The following MALRD1 variants were observed in gnomAD, a reference collection of about 807,000 sequenced individuals.
MALRD1 encodes the protein MAM and LDL receptor class A domain containing 1.
A neutral mutation model predicts 242.1 loss-of-function variants in MALRD1; 247 were observed. That is an observed-to-expected ratio of 1.02 (90% CI 0.92 to 1.13). The LOEUF (loss-of-function observed/expected upper bound fraction) is 1.13. Ranked by LOEUF, MALRD1 falls within the 50% of genes most tolerant of loss-of-function variation. MALRD1 has a pLI of 0.00. For missense variants in MALRD1, 2,989 were observed against 2,533.1 expected, an observed-to-expected ratio of 1.18 and a Z score of -3.86; for synonymous variants, 995 against 866.6, an observed-to-expected ratio of 1.15 and a Z score of -2.60.
chr10:19,476,970 T>G (rs962209053), intron 29 of MALRD1, among the ~76,000 whole-genome samples: 52 of 152,266 alleles, frequency 3.4e-4, no homozygotes, highest in Non-Finnish European at 5.9e-5. Context: ...AATGTTTTCA[T>G]TTTTTCCAGG....
intron 31 of MALRD1, among the ~76,000 whole-genome samples, chr10:19,530,453 A>ATAATAAATAT (rs1250553401): frequency 1.4e-4 from 8 of 55,464 alleles, no homozygotes; most frequent in Admixed American, 1.3e-3. Context: ...ATAATATATA[A>ATAATAAATAT]TATATAATAA....
intron 29 of MALRD1, among the ~76,000 whole-genome samples, chr10:19,454,740 A>ACG (rs1835551901): frequency 1.3e-5 from 2 of 151,310 alleles, no homozygotes; most frequent in Non-Finnish European, 2.9e-5. Context: ...ACACACACAC[A>ACG]CACACACACA....
In MALRD1 at chr10:19,087,807, T is replaced by TC. The variant is rs911914868; in HGVS notation, c.341-33_341-32insC. The TC allele has an allele frequency of 4.4e-6, 5 of 1,147,682 alleles. No individual in the cohort carries two copies. In the African/African-American group the frequency reaches 8.3e-5, roughly 19 times the overall value. 71.1% of individuals were successfully genotyped at this position (1,147,682 alleles called of 1,614,324 possible). ...GTAGGTCTTATTCATTCTTTCTGGT[T>TC]TTTTTTTGTACCCTGTCTCTTCTTT... On this transcript the variant is annotated intron_variant, in intron 2 of 39. Transcript: ENST00000454679.
intron 29 of MALRD1, among the ~76,000 whole-genome samples, chr10:19,475,332 G>A (rs1028438034): frequency 6.6e-6 from 1 of 152,136 alleles, no homozygotes; most frequent in African/African-American, 2.4e-5. Flanking sequence ...GGAGAATGGT[G>A]TGAACCCAGG....
intron 36 of MALRD1, among the ~76,000 whole-genome samples, chr10:19,655,017 G>C (rs1384158567): frequency 1.3e-5 from 2 of 152,104 alleles, no homozygotes; most frequent in Non-Finnish European, 2.9e-5. Context: ...AACTAAATAT[G>C]CATTTTAGAA....
chr10:19,232,425 G>A (rs1249204982), intron 18 of MALRD1, among the ~76,000 whole-genome samples: 3 of 151,050 alleles, frequency 2.0e-5, no homozygotes, highest in Non-Finnish European at 4.4e-5. Flanking sequence ...TCATCCGCCC[G>A]CCTCAGCCTC....
At chr10:19,101,413 T>C (rs962622362) in intron 4 of MALRD1, among the ~76,000 whole-genome samples, 12 of 141,592 alleles carry the variant, frequency 8.5e-5, no homozygotes, top group Admixed American at 2.2e-4. Context: ...TCATATATTA[T>C]ATATTATAAT....
chr10:19,204,120 G>A (rs1351116549), intron 15 of MALRD1, among the ~76,000 whole-genome samples, 188 bp from the exon 16 acceptor site: 3 of 152,154 alleles, frequency 2.0e-5, no homozygotes, highest in Non-Finnish European at 4.4e-5. Flanking sequence ...GTATCATTTA[G>A]CATGAGATGT....
At chr10:19,722,697 A>C (rs1834827925) in intron 38 of MALRD1, 1 of 149,892 alleles carries the variant, frequency 6.7e-6, no homozygotes, top group South Asian at 2.1e-4. Context: ...ATGTCCTTTC[A>C]TTTCACAAAT....
At chr10:19,725,953 G>T (rs1458672028) in intron 38 of MALRD1, among the ~76,000 whole-genome samples, 3 of 151,988 alleles carry the variant, frequency 2.0e-5, no homozygotes, top group African/African-American at 7.2e-5. Context: ...GCTCAAAATG[G>T]ATCAAGGAGC....
At chr10:19,432,878 A>G (rs1349137782) in intron 28 of MALRD1, among the ~76,000 whole-genome samples, 1 of 152,228 alleles carries the variant, frequency 6.6e-6, no homozygotes, top group Non-Finnish European at 1.5e-5. Flanking sequence ...TGAACATTTC[A>G]AAGAGGAAAC....
Position 19,586,712 on chromosome 10 carries a change from T to G in MALRD1, c.5681-8482T>G, listed in dbSNP as rs535814804. Among the ~76,000 whole-genome samples, 451 of 152,344 alleles carry G rather than the reference T, an allele frequency of 3.0e-3. 3 individuals carry two copies. The highest frequency in any genetic ancestry group is 0.01 in the African/African-American group (431 of 41,586). On this transcript the variant is annotated intron_variant, in intron 33 of 39. Coordinates refer to ENST00000454679, the MANE Select transcript of MALRD1 (RefSeq NM_001142308.3). ...GTGCCCTGCCCCCAGAGGTGGAGCCTACAGAGGCCCGCAGGCCTCCTTGAG... is the reference window on the plus strand; with the variant it reads ...GTGCCCTGCCCCCAGAGGTGGAGCCGACAGAGGCCCGCAGGCCTCCTTGAG...
chr10:19,228,798 G>C (rs777975449), intron 18 of MALRD1, among the ~76,000 whole-genome samples: 1 of 152,010 alleles, frequency 6.6e-6, no homozygotes, highest in Non-Finnish European at 1.5e-5. Flanking sequence ...GAATATACAC[G>C]TGTTTTCTTT....
rs559358695 is a variant in MALRD1, at chr10:19,082,189, T to C, written c.341-5651T>C. On this transcript the variant is annotated intron_variant, in intron 2 of 39. Coordinates refer to ENST00000454679, the MANE Select transcript of MALRD1 (RefSeq NM_001142308.3). Reference sequence around the variant, plus strand: ...TTTTTACTATATATTTTTGAATTATTTTATTAGTTGTTGCCCTAGGGATTA... The same window carrying C: ...TTTTTACTATATATTTTTGAATTATCTTATTAGTTGTTGCCCTAGGGATTA... Among the ~76,000 whole-genome samples the C allele has an allele frequency of 1.3e-3, 202 of 151,800 alleles. 6 individuals carry two copies. In the South Asian group the frequency reaches 0.04, roughly 30 times the overall value.
At chr10:19,070,836 CTTTTTTTTTTTTT>C (rs3042437) in intron 2 of MALRD1, among the ~76,000 whole-genome samples, 1,164 of 52,552 alleles carry the variant, frequency 0.022, 34 homozygotes, top group African/African-American at 0.078. Flanking sequence ...AAATGACAAA[CTTTTTTTTTTTTT>C]TTTTTTTTTT....
chr10:19,709,331 C>T (rs939416408), intron 38 of MALRD1, among the ~76,000 whole-genome samples: 4 of 151,166 alleles, frequency 2.6e-5, no homozygotes, highest in Admixed American at 1.3e-4. Flanking sequence ...GCAGGGGAAT[C>T]GCTTGAACCC....
chr10:19,574,448 G>A (rs1026174139), intron 33 of MALRD1, among the ~76,000 whole-genome samples: 2 of 152,178 alleles, frequency 1.3e-5, no homozygotes, highest in African/African-American at 4.8e-5. Flanking sequence ...AGTGACCTCA[G>A]CCTCCAAAGT....
At chr10:19,393,624 T>C (rs1413438967) in intron 28 of MALRD1, among the ~76,000 whole-genome samples, 1 of 149,840 alleles carries the variant, frequency 6.7e-6, no homozygotes. Flanking sequence ...TTTTTTTTTT[T>C]TTTTTGTATT....
At chr10:19,435,341 G>A (rs2496084) in intron 28 of MALRD1, among the ~76,000 whole-genome samples, 83,899 of 151,100 alleles carry the variant, frequency 0.56, 24,351 homozygotes, top group Middle Eastern at 0.68. Flanking sequence ...TGTCACAATT[G>A]ATGAACCAAT....
Sources: gnomAD v4.1 joint callset for allele counts (sites outside exome capture counted in the v4.1 genomes callset) on GRCh38, gnomAD v4.1.1 for gene constraint, MANE v1.5 for transcripts, NCBI Gene and HGNC (gene_info 2026-07-23, HGNC 2026-07-21) for gene names.